ZFYVE19: variants seen among roughly 807,000 people sequenced by gnomAD.
ZFYVE19 encodes abscission/NoCut checkpoint regulator.
Under a neutral mutation model 62.8 loss-of-function variants are expected in ZFYVE19, and 49 were observed. The ratio of observed to expected loss-of-function variants is 0.78; its 90% confidence interval spans 0.62 to 0.99. The LOEUF is 0.99. Ranked by LOEUF, ZFYVE19 falls within the 50% of genes least tolerant of loss-of-function variation. The probability of loss-of-function intolerance (pLI) is 0.00; values close to 1 mark genes in which losing one functional copy is unlikely to be tolerated. For missense variants in ZFYVE19, 630 were observed against 601.9 expected (o/e 1.05, Z -0.49); for synonymous variants, 242 against 234.3 (o/e 1.03, Z -0.30).
At chr15:40,811,312 G>A (rs1340205876) in intron 6 of ZFYVE19, among the ~76,000 whole-genome samples, 2 of 152,202 alleles carry the variant, frequency 1.3e-5, no homozygotes, top group African/African-American at 4.8e-5. Context: ...CATTCTGTTG[G>A]ACAGTGCTGT....
intron 7 of ZFYVE19, among the ~76,000 whole-genome samples, 179 bp from the exon 8 acceptor site, chr15:40,813,159 A>T (rs1890549991): frequency 6.6e-6 from 1 of 152,134 alleles, no homozygotes; most frequent in Admixed American, 6.5e-5. Context: ...GTGATGGCCC[A>T]GCCCTGCAGG....
rs142113359 is a variant in ZFYVE19, at chr15:40,814,079, A to G, written c.1337+9A>G. Reference sequence around the variant, plus strand: ...TGTGCCCGCTGCTTCCGGTGGGTGCAGGTGGAATGTTCTGTGCGAGAGCTC... The same window carrying G: ...TGTGCCCGCTGCTTCCGGTGGGTGCGGGTGGAATGTTCTGTGCGAGAGCTC... On this transcript the variant is annotated intron_variant, in intron 10 of 10. Transcript: ENST00000355341. The G allele has an allele frequency of 2.5e-6, 4 of 1,614,100 alleles. No homozygotes were observed. Among genetic ancestry groups the G allele is most frequent in the Non-Finnish European group, 3.4e-6 (4 of 1,179,990 alleles).
chr15:40,812,472 G>A (rs1188341308), intron 6 of ZFYVE19, among the ~76,000 whole-genome samples: 1 of 151,440 alleles, frequency 6.6e-6, no homozygotes, highest in African/African-American at 2.4e-5. Flanking sequence ...CTTGAATCCA[G>A]GAGGCAGAGG....
rs1251430963 is a variant in ZFYVE19 at position 40,813,361 on chromosome 15, C to T, written c.1054C>T (p.Pro352Ser). 1 of 1,613,230 alleles carries T rather than the reference C, an allele frequency of 6.2e-7. No homozygotes were observed. The highest frequency in any genetic ancestry group is 8.5e-7 in the Non-Finnish European group (1 of 1,179,660). ...AGTGACCCTCCAGGACTATCGCCTC[C>T]CAGACAGTGATGACGACGAGGATGA... ...ERVTLQDYRL[P>S]DSDDDEDEET... Residue 352 changes from proline to serine, a missense_variant, in exon 8 of 11, where the codon CCA becomes TCA. Coordinates refer to ENST00000355341, the MANE Select transcript of ZFYVE19 (RefSeq NM_001077268.2).
intron 1 of ZFYVE19, 152 bp from the exon 2 acceptor site, chr15:40,808,967 C>T (rs893422076): frequency 1.7e-5 from 16 of 929,970 alleles, no homozygotes; most frequent in Admixed American, 1.6e-4. Flanking sequence ...CTTTACTCAC[C>T]ATCCCTAGGC....
chr15:40,813,035 G>C (rs1890546108), intron 7 of ZFYVE19, 133 bp downstream of exon 7: 1 of 1,049,484 alleles, frequency 9.5e-7, no homozygotes, highest in East Asian at 2.6e-5. Flanking sequence ...GAAGGTGGTA[G>C]AGCAAAGCAG....
At position 40,809,990 on chromosome 15, in the gene ZFYVE19, G is replaced by A. The variant is rs375216863; in HGVS notation, c.571+20G>A. On this transcript the variant is annotated intron_variant, in intron 4 of 10. Transcript: ENST00000355341. Reference sequence around the variant, plus strand: ...AGCCCAGTGAGCAGGGGCAGATGGGGTTGCCTAGAGGACACAGTCCAGGGC... The same window carrying A: ...AGCCCAGTGAGCAGGGGCAGATGGGATTGCCTAGAGGACACAGTCCAGGGC... The A allele has an allele frequency of 7.4e-6, 12 of 1,614,192 alleles. No homozygotes were observed. The East Asian group carries it at 8.9e-5, about 12-fold the overall frequency.
chr15:40,809,193 G>A lies in ZFYVE19; in HGVS notation c.354G>A (p.Gly118=), dbSNP rs1474882709. The A allele has an allele frequency of 3.7e-6, 6 of 1,614,208 alleles. No homozygotes were observed. The South Asian group carries it at 6.6e-5, about 18-fold the overall frequency. The change falls in exon 2 of 11, where the codon GGG becomes GGA. Residue 118 remains glycine (G), a synonymous_variant. Coordinates refer to ENST00000355341, the MANE Select transcript of ZFYVE19 (RefSeq NM_001077268.2). ...LSFSAAVPRT[G]NTQQKVCKQC... is the part of the protein sequence containing the mutation. Reference sequence around the variant, plus strand: ...TCAGTGCAGCAGTGCCTCGGACTGGGAACACCCAACAGAAAGTCTGCAAGC... The same window carrying A: ...TCAGTGCAGCAGTGCCTCGGACTGGAAACACCCAACAGAAAGTCTGCAAGC...
chr15:40,812,822 G>C lies in ZFYVE19; in HGVS notation c.950G>C (p.Arg317Pro). The C allele has an allele frequency of 6.2e-7, 1 of 1,613,756 alleles. No individual in the cohort carries two copies. The highest frequency in any genetic ancestry group is 8.5e-7 in the Non-Finnish European group (1 of 1,180,024). ...CTGGCTGAGGCAGCACTTGAGTTGC[G>C]GGAGGAGAACACGAGGCAGGAACGG... The part of the protein sequence containing the change: ...RLLAEAALEL[R>P]EENTRQERIL... The change falls in exon 7 of 11, where the codon CGG (arginine) becomes CCG (proline). Residue 317 changes from arginine to proline, a missense_variant. By Grantham distance (103) the Arg-to-Pro change is moderately radical. Transcript: ENST00000355341.
chr15:40,808,022 G>A (rs754019541), intron 1 of ZFYVE19, 154 bp downstream of exon 1: 1 of 1,116,274 alleles, frequency 9.0e-7, no homozygotes. Flanking sequence ...GTAAAATGGG[G>A]CTAACATTCT....
chr15:40,814,184 G>A lies in ZFYVE19; in HGVS notation c.1374G>A (p.Gln458=), dbSNP rs1313019126. 1.2e-5 allele frequency: 19 copies of A among 1,614,200 alleles called. No homozygotes were observed. The highest frequency in any genetic ancestry group is 1.6e-5 in the Non-Finnish European group (19 of 1,180,046). The change falls in exon 11 of 11, where the codon CAG becomes CAA. Residue 458 remains glutamine, a synonymous_variant. Coordinates refer to ENST00000355341, the MANE Select transcript of ZFYVE19 (RefSeq NM_001077268.2). ...ATGCCTTTGAGCTTAAAGAGCACCA[G>A]ACATCTGCCTACTCTCCTCCACGTG... ...GHDAFELKEH[Q]TSAYSPPRAG...
At chr15:40,808,077 TGA>T (rs1890331646) in intron 1 of ZFYVE19, 1 of 922,226 alleles carries the variant, frequency 1.1e-6, no homozygotes, top group South Asian at 1.6e-5. Context: ...GTGCTTTAGG[TGA>T]GAGTTCCCTA....
rs1283748165 is a variant in ZFYVE19, at chr15:40,807,241, C to T, written c.-349C>T. On this transcript the variant is annotated 5_prime_UTR_variant, in exon 1 of 11. Coordinates refer to ENST00000355341, the MANE Select transcript of ZFYVE19 (RefSeq NM_001077268.2). ...GGGAGCCCGCCTGCGGAGGGCATAGCGCCGACCCTCGCTCCCCGCCCAGGA... is the reference window on the plus strand; with the variant it reads ...GGGAGCCCGCCTGCGGAGGGCATAGTGCCGACCCTCGCTCCCCGCCCAGGA... The T allele has an allele frequency of 3.2e-6, 5 of 1,567,870 alleles. No individual in the cohort carries two copies. Among genetic ancestry groups the T allele is most frequent in the East Asian group, 2.3e-5 (1 of 42,726 alleles).
At position 40,807,679 on chromosome 15, in the gene ZFYVE19, C is replaced by T. The variant is rs763545301; in HGVS notation, c.90C>T (p.Gly30=). 3.7e-6 allele frequency: 6 copies of T among 1,609,864 alleles called. No homozygotes were observed. The highest frequency in any genetic ancestry group is 2.7e-5 in the African/African-American group (2 of 74,856). Residue 30 remains glycine (G), a synonymous_variant, in exon 1 of 11, where the codon GGC becomes GGT. Coordinates refer to ENST00000355341, the MANE Select transcript of ZFYVE19 (RefSeq NM_001077268.2). ...CCGGATTCCCTGCTCTAGGTCGCGG[C>T]GGGACAGTGCCAGTGGGCGTGTGGG... ...RASGFPALGR[G]GTVPVGVWGG...
At position 40,807,888 on chromosome 15, in the gene ZFYVE19, G is replaced by A. The variant is rs1180895379; in HGVS notation, c.279+20G>A. 1.9e-6 allele frequency: 3 copies of A among 1,540,598 alleles called. No homozygotes were observed. Among genetic ancestry groups the A allele is most frequent in the Admixed American group, 3.9e-5 (2 of 51,156 alleles). ...AAGGAGGCGAGTCTTCCCTCCCCGA[G>A]GGCTGCAGGGCCAGGGAGGAGAGGA... On this transcript the variant is annotated intron_variant, in intron 1 of 10. Coordinates refer to ENST00000355341, the MANE Select transcript of ZFYVE19 (RefSeq NM_001077268.2).
rs539893089 is a variant in ZFYVE19 at position 40,807,302 on chromosome 15, C to A, written c.-288C>A. On this transcript the variant is annotated 5_prime_UTR_variant, in exon 1 of 11. Transcript: ENST00000355341. ...CCTGGAGAGCGGATGCCAGCAGTGGCCGAGGCGCTAGGACAGGAAGGACCG... is the reference window on the plus strand; with the variant it reads ...CCTGGAGAGCGGATGCCAGCAGTGGACGAGGCGCTAGGACAGGAAGGACCG... 1.3e-5 allele frequency: 21 copies of A among 1,613,266 alleles called. No individual in the cohort carries two copies. Among genetic ancestry groups the A allele is most frequent in the Non-Finnish European group, 1.8e-5 (21 of 1,179,728 alleles).
intron 6 of ZFYVE19, 134 bp from the exon 7 acceptor site, chr15:40,812,555 AAAAAAGAAAG>A: frequency 6.2e-6 from 4 of 640,798 alleles, no homozygotes; most frequent in African/African-American, 4.5e-5. Flanking sequence ...CAAAAAAAAA[AAAAAAGAAAG>A]AAAGAAAGAA....
In ZFYVE19 at chr15:40,808,282, A is replaced by T. The variant is rs537638130; in HGVS notation, c.279+414A>T. 2.8e-5 allele frequency: 45 copies of T among 1,597,464 alleles called. No individual in the cohort carries two copies. In the African/African-American group the frequency reaches 4.5e-4, roughly 16 times the overall value. ...TGCCCTTCTCCAGGTCGCTGGAGTTAGATTACCACACTTCCTCCTGCTTCC... is the reference window on the plus strand; with the variant it reads ...TGCCCTTCTCCAGGTCGCTGGAGTTTGATTACCACACTTCCTCCTGCTTCC... On this transcript the variant is annotated intron_variant, in intron 1 of 10. Coordinates refer to ENST00000355341, the MANE Select transcript of ZFYVE19 (RefSeq NM_001077268.2).
At chr15:40,808,186 T>C (rs1262100423) in intron 1 of ZFYVE19, 4 of 1,500,844 alleles carry the variant, frequency 2.7e-6, no homozygotes, top group Non-Finnish European at 1.8e-6. Context: ...ACCCTGCTCC[T>C]CCGAAGCGCG....
Sources: gnomAD v4.1 joint callset for allele counts (sites outside exome capture counted in the v4.1 genomes callset) on GRCh38, gnomAD v4.1.1 for gene constraint, MANE v1.5 for transcripts, NCBI Gene and HGNC (gene_info 2026-07-23, HGNC 2026-07-21) for gene names.